The following STOX2 variants were observed in gnomAD, a reference collection of about 807,000 sequenced individuals.
STOX2 encodes the protein storkhead-box protein 2.
Under a neutral mutation model 60.9 loss-of-function variants are expected in STOX2, and 28 were observed. The ratio of observed to expected loss-of-function variants is 0.46; its 90% CI spans 0.34 to 0.63. The LOEUF (loss-of-function observed/expected upper bound fraction) is 0.63. STOX2 is among the 30% of genes least tolerant of loss of function. The pLI is 0.01. For missense variants in STOX2, 1,024 were observed against 1,187.7 expected, an observed-to-expected ratio of 0.86 and a Z score of 2.03; for synonymous variants, 472 against 463.9, an observed-to-expected ratio of 1.02 and a Z score of -0.22.
At chr4:183,951,022 T>C (rs545530279) in intron 1 of STOX2, among the ~76,000 whole-genome samples, 99 of 152,026 alleles carry the variant, frequency 6.5e-4, no homozygotes, top group African/African-American at 2.0e-3. Context: ...GAGACCATCC[T>C]GGCTAACACG....
intron 1 of STOX2, among the ~76,000 whole-genome samples, chr4:183,947,409 G>A (rs554301653): frequency 2.6e-5 from 4 of 152,084 alleles, no homozygotes. Flanking sequence ...TCTAGTTTGT[G>A]GGGTGGGGCT....
chr4:183,886,324 G>GAGGGT (rs1276420829), intron 1 of STOX2, among the ~76,000 whole-genome samples: 26 of 148,534 alleles, frequency 1.8e-4, no homozygotes, highest in East Asian at 6.1e-4. Context: ...GCAAGATCAG[G>GAGGGT]GTCACTAGGA....
intron 1 of STOX2, among the ~76,000 whole-genome samples, chr4:183,943,577 C>A (rs555653962): frequency 6.6e-6 from 1 of 152,114 alleles, no homozygotes; most frequent in South Asian, 2.1e-4. Flanking sequence ...GAATTTCAAA[C>A]GTACGAGAAG....
chr4:183,933,457 C>T (rs1742496450), intron 1 of STOX2, among the ~76,000 whole-genome samples: 1 of 152,174 alleles, frequency 6.6e-6, no homozygotes, highest in South Asian at 2.1e-4. Flanking sequence ...GGCATGATCT[C>T]GGCTCACTGC....
Position 184,010,552 on chromosome 4 carries a change from C to A in STOX2, c.1714C>A (p.Leu572Ile). ...GSKEPSSACS[L>I]LEPGKPPESL... ...CAAGGAACCGTCCAGCGCTTGCAGC[C>A]TTTTGGAGCCAGGAAAACCACCCGA... The change falls in exon 3 of 4, where the codon CTT becomes ATT. Residue 572 changes from leucine to isoleucine, a missense_variant. Physicochemically the swap from Leu to Ile is conservative, Grantham distance 5. Transcript: ENST00000308497. This position sits in a 1 kb window ranked among gnomAD's most constrained non-coding sequence, Gnocchi z 4.5. The A allele has an allele frequency of 6.2e-7, 1 of 1,613,916 alleles. No homozygotes were observed. Among genetic ancestry groups the A allele is most frequent in the Non-Finnish European group, 8.5e-7 (1 of 1,179,864 alleles).
At chr4:183,861,770 A>G (rs1051538890) in intron 1 of STOX2, among the ~76,000 whole-genome samples, 5 of 152,124 alleles carry the variant, frequency 3.3e-5, no homozygotes, top group African/African-American at 7.2e-5. Context: ...AGCAGTTATC[A>G]TTTTTCCTAT....
At chr4:183,961,544 C>G (rs1356910730) in intron 1 of STOX2, among the ~76,000 whole-genome samples, 1 of 152,188 alleles carries the variant, frequency 6.6e-6, no homozygotes, top group Non-Finnish European at 1.5e-5. Flanking sequence ...TTCACCCTTG[C>G]TTTATTCTTT....
chr4:183,872,078 CAG>C (rs1260713952), intron 1 of STOX2, among the ~76,000 whole-genome samples: 1 of 151,544 alleles, frequency 6.6e-6, no homozygotes, highest in Non-Finnish European at 1.5e-5. Context: ...TTTTTTGAAA[CAG>C]AGTCTCACTC....
chr4:183,932,554 C>T (rs899650577), intron 1 of STOX2, among the ~76,000 whole-genome samples: 1 of 151,810 alleles, frequency 6.6e-6, no homozygotes, highest in Non-Finnish European at 1.5e-5. Context: ...AAATGTTTGG[C>T]AGGCATTTTT....
chr4:183,905,198 TCCCAGGCCCGCGTCCCGGGCCCAGCG>T (rs1741553279), upstream of STOX2, among the ~76,000 whole-genome samples: 1 of 152,162 alleles, frequency 6.6e-6, no homozygotes, highest in African/African-American at 2.4e-5. Context: ...GACCTCCGGG[TCCCAGGCCCGCGTCCCGGGCCCAGCG>T]CCCAGGCCCG....
chr4:183,993,230 A>G (rs1245813693), intron 1 of STOX2, among the ~76,000 whole-genome samples: 2 of 152,352 alleles, frequency 1.3e-5, no homozygotes, highest in African/African-American at 4.8e-5. Context: ...CAGTAACAAG[A>G]GCAATAGCTA....
At chr4:184,004,362 G>T (rs974087161) in intron 2 of STOX2, among the ~76,000 whole-genome samples, 25 of 152,176 alleles carry the variant, frequency 1.6e-4, no homozygotes, top group Non-Finnish European at 3.2e-4. Context: ...CACTTTGGGA[G>T]GCCGAGGCGG....
intron 1 of STOX2, among the ~76,000 whole-genome samples, chr4:183,913,214 G>A (rs1040233611): frequency 6.6e-6 from 1 of 152,192 alleles, no homozygotes; most frequent in African/African-American, 2.4e-5. Flanking sequence ...GAAAATGGGT[G>A]TGTGAAATTT....
chr4:183,893,407 G>A (rs973178860), intron 1 of STOX2, among the ~76,000 whole-genome samples: 2 of 152,178 alleles, frequency 1.3e-5, no homozygotes, highest in African/African-American at 4.8e-5. Flanking sequence ...TTTGCGGCCA[G>A]CATCTTAGCT....
In STOX2 at chr4:183,998,640, C is replaced by G. The variant is rs115302831; in HGVS notation, c.167-2685C>G. Among the ~76,000 whole-genome samples the G allele has an allele frequency of 8.1e-3, 1,228 of 152,188 alleles. 16 individuals are homozygous for G. Among genetic ancestry groups the G allele is most frequent in the African/African-American group, 0.028 (1,154 of 41,524 alleles). ...CACCGTAGCCTTGACCTCCCAGGCTCAAGCGATCTTCCCAGCTCAGCCTCC... is the reference window on the plus strand; with the variant it reads ...CACCGTAGCCTTGACCTCCCAGGCTGAAGCGATCTTCCCAGCTCAGCCTCC... On this transcript the variant is annotated intron_variant, in intron 1 of 3. Coordinates refer to ENST00000308497, the MANE Select transcript of STOX2 (RefSeq NM_020225.3).
intron 1 of STOX2, among the ~76,000 whole-genome samples, chr4:183,973,776 A>T (rs1732312957): frequency 1.3e-5 from 2 of 152,218 alleles, no homozygotes; most frequent in South Asian, 4.1e-4. Context: ...TGGGTGGATC[A>T]CGAGGTGAAG....
At chr4:183,820,109 G>A (rs564579390) in intron 1 of STOX2, among the ~76,000 whole-genome samples, 1 of 151,978 alleles carries the variant, frequency 6.6e-6, no homozygotes, top group African/African-American at 2.4e-5. Flanking sequence ...TTTTTTTTAA[G>A]AGATGGGGTT....
At chr4:183,807,678 G>A (rs1450133496) in intron 1 of STOX2, among the ~76,000 whole-genome samples, 2 of 152,326 alleles carry the variant, frequency 1.3e-5, no homozygotes, top group South Asian at 2.1e-4. Context: ...CTGGTGGGTG[G>A]ATGGAGCTGG....
chr4:183,992,219 C>T (rs1008762633), intron 1 of STOX2, among the ~76,000 whole-genome samples: 9 of 152,196 alleles, frequency 5.9e-5, no homozygotes, highest in African/African-American at 1.7e-4. Flanking sequence ...GAACTGTCAA[C>T]CTGTCCATAT....
Sources: gnomAD v4.1 joint callset for allele counts (sites outside exome capture counted in the v4.1 genomes callset) on GRCh38, gnomAD v4.1.1 for gene constraint, Gnocchi (gnomAD v3.1) non-coding constraint, MANE v1.5 for transcripts, NCBI Gene and HGNC (gene_info 2026-07-23, HGNC 2026-07-21) for gene names.